Variants in COL4A6 observed in about 807,000 individuals in gnomAD.
The protein encoded by COL4A6 is collagen alpha-6(IV) chain.
Under a neutral mutation model 126.7 loss-of-function variants are expected in COL4A6, and 59 were observed. The observed-to-expected ratio is 0.47, with a 90% CI of 0.38 to 0.58. COL4A6 has a LOEUF of 0.58. Among genes scored for constraint, COL4A6 ranks in the 20% least tolerant of loss-of-function variants. COL4A6 has a pLI of 0.00. For synonymous variants in COL4A6, 547 were observed against 496.6 expected (o/e 1.10, Z -1.35); for missense variants, 1,285 against 1,337.3 (o/e 0.96, Z 0.61).
intron 2 of COL4A6, among the ~76,000 whole-genome samples, chrX:108,343,157 A>AGTGTGTG (rs1259891655): frequency 2.7e-5 from 2 of 73,857 alleles, no homozygotes; most frequent in African/African-American, 1.0e-4. Flanking sequence ...ATATATATAT[A>AGTGTGTG]TATATATAGT....
intron 35 of COL4A6, 45 bp from the exon 36 acceptor site, chrX:108,170,061 A>C: frequency 1.9e-6 from 2 of 1,060,539 alleles, no homozygotes; most frequent in Non-Finnish European, 2.6e-6. Context: ...ACTCTGAATC[A>C]TGAAGCATCA....
Position 108,378,074 on chromosome X carries a change from A to T in COL4A6, c.63+59868T>A, listed in dbSNP as rs191698381. Among the ~76,000 whole-genome samples the T allele has an allele frequency of 2.4e-3, 252 of 105,778 alleles. 1 individual carries two copies. Among genetic ancestry groups the T allele is most frequent in the African/African-American group, 7.3e-3 (217 of 29,576 alleles). The allele number at this position is 105,778 out of a possible 115,157, so 91.9% of individuals were successfully genotyped here. On this transcript the variant is annotated intron_variant, in intron 2 of 44. Coordinates refer to ENST00000334504, the MANE Select transcript of COL4A6 (RefSeq NM_033641.4). ...GGTAGGTAAGGATGTGAAGAAATTT[A>T]AAAAAAAAATGTTTTCATGTAGTGG...
chrX:108,159,337 G>A, intron 44 of COL4A6, 125 bp downstream of exon 44: 2 of 824,155 alleles, frequency 2.4e-6, no homozygotes, highest in Admixed American at 6.6e-5. Context: ...CTTTAGCCAA[G>A]CCCAGTCCAA....
intron 2 of COL4A6, among the ~76,000 whole-genome samples, chrX:108,362,495 C>T (rs767491566): frequency 9.0e-6 from 1 of 111,437 alleles, no homozygotes; most frequent in Non-Finnish European, 1.9e-5. Context: ...CATCAAGGTT[C>T]CTTGGGAACA....
intron 3 of COL4A6, among the ~76,000 whole-genome samples, chrX:108,274,588 C>G (rs1259674504): frequency 9.0e-6 from 1 of 111,691 alleles, no homozygotes; most frequent in African/African-American, 3.3e-5. Flanking sequence ...GCTCCAGAGG[C>G]CAGAGCATCA....
chrX:108,217,606 C>T (rs73636381), intron 5 of COL4A6, among the ~76,000 whole-genome samples: 4,468 of 111,165 alleles, frequency 0.04, 193 homozygotes, highest in African/African-American at 0.12. Flanking sequence ...TCCCATAGGG[C>T]TGTAGGCTGT....
intron 3 of COL4A6, among the ~76,000 whole-genome samples, chrX:108,225,275 ATT>A (rs951246159): frequency 4.8e-4 from 54 of 112,077 alleles, no homozygotes; most frequent in African/African-American, 1.5e-3. Context: ...ATGCTCACAC[ATT>A]ATTTCTTTTT....
intron 16 of COL4A6, among the ~76,000 whole-genome samples, chrX:108,194,012 CAG>C (rs2035136095): frequency 1.8e-5 from 2 of 112,719 alleles, no homozygotes; most frequent in Admixed American, 9.4e-5. Context: ...AAGGAGAGAA[CAG>C]AGTTTTAACT....
intron 2 of COL4A6, among the ~76,000 whole-genome samples, chrX:108,341,954 A>G (rs1412333): frequency 0.26 from 28,818 of 111,532 alleles, 3,028 homozygotes; most frequent in East Asian, 0.58. Context: ...CAGTAACCCA[A>G]ACAATGTTAT....
intron 3 of COL4A6, among the ~76,000 whole-genome samples, chrX:108,265,873 T>C (rs1348309282): frequency 9.1e-6 from 1 of 110,368 alleles, no homozygotes; most frequent in Non-Finnish European, 1.9e-5. Flanking sequence ...GGGAAACCAC[T>C]GAAGGGATAT....
chrX:108,389,555 GT>G (rs755288307), intron 2 of COL4A6, among the ~76,000 whole-genome samples: 2 of 105,082 alleles, frequency 1.9e-5, no homozygotes, highest in Non-Finnish European at 4.0e-5. Flanking sequence ...TTTTGTTTTT[GT>G]TTTTTTTTGC....
chrX:108,178,739 A>G lies in COL4A6; in HGVS notation c.2460T>C (p.Tyr820=). 1 of 1,211,720 alleles carries G rather than the reference A, an allele frequency of 8.3e-7. No homozygotes were observed. The highest frequency in any genetic ancestry group is 1.1e-6 in the Non-Finnish European group (1 of 895,435). ...GGAGCCCAGATTTGCCCTTGATGCCATATGGACCACTAGATCCTGGGGTGC... is the reference window on the plus strand; with the variant it reads ...GGAGCCCAGATTTGCCCTTGATGCCGTATGGACCACTAGATCCTGGGGTGC... ...QPGTPGSSGP[Y]GIKGKSGLPG... Residue 820 remains tyrosine, a synonymous_variant, in exon 27 of 45, where the codon TAT becomes TAC. Transcript: ENST00000334504.
At chrX:108,347,567 C>A (rs1176899439) in intron 2 of COL4A6, among the ~76,000 whole-genome samples, 1 of 111,301 alleles carries the variant, frequency 9.0e-6, no homozygotes, top group Non-Finnish European at 1.9e-5. Context: ...AGCAAAGATT[C>A]CAGAGAGGTC....
Position 108,169,393 on chromosome X carries a change from C to T in COL4A6, c.3691+102G>A. 6 of 1,071,208 alleles carry T rather than the reference C, an allele frequency of 5.6e-6. No homozygotes were observed. The South Asian group carries it at 1.3e-4, about 24-fold the overall frequency. The allele number at this position is 1,071,208 out of a possible 1,213,427, so 88.3% of individuals were successfully genotyped here. A position where few individuals can be genotyped will look rare whatever the true frequency, so the allele number is the denominator to read the frequency against. ...TGAGACTCCCAGAGATGTGAAGACA[C>T]TCACAGCCCAACCCTGTGAGCCACA... On this transcript the variant is annotated intron_variant, in intron 37 of 44. Transcript: ENST00000334504.
At chrX:108,195,855 G>A (rs2035198889) in intron 14 of COL4A6, among the ~76,000 whole-genome samples, 1 of 111,412 alleles carries the variant, frequency 9.0e-6, no homozygotes, top group Non-Finnish European at 1.9e-5. Flanking sequence ...TAATGGATAA[G>A]TATGGCTGAA....
At chrX:108,266,395 A>T (rs2037303849) in intron 3 of COL4A6, among the ~76,000 whole-genome samples, 1 of 111,627 alleles carries the variant, frequency 9.0e-6, no homozygotes, top group South Asian at 3.8e-4. Context: ...TTTACAAAAG[A>T]TCAAAAAACC....
intron 2 of COL4A6, among the ~76,000 whole-genome samples, chrX:108,408,394 G>A (rs924110798): frequency 5.4e-5 from 6 of 111,329 alleles, no homozygotes; most frequent in African/African-American, 1.6e-4. Flanking sequence ...AGCAAGCTAA[G>A]TAGCTTTTAC....
rs1268488258 is a variant in COL4A6 at position 108,212,553 on chromosome X, C to T, written c.442-813G>A. On this transcript the variant is annotated intron_variant, in intron 6 of 44. Coordinates refer to ENST00000334504, the MANE Select transcript of COL4A6 (RefSeq NM_033641.4). ...GATTAGTATGTGGGGTAGGGCTAAG[C>T]TTTGTGGACTGAAGCATTTATTGAA... Among the ~76,000 whole-genome samples, 4 of 111,798 alleles carry T rather than the reference C, an allele frequency of 3.6e-5. No individual in the cohort carries two copies. The East Asian group carries it at 1.1e-3, about 31-fold the overall frequency.
At chrX:108,372,885 T>G (rs866059904) in intron 2 of COL4A6, among the ~76,000 whole-genome samples, 28 of 112,295 alleles carry the variant, frequency 2.5e-4, no homozygotes, top group African/African-American at 9.1e-4. Flanking sequence ...TAGAAAATTC[T>G]TGTTCAGAGA....
Sources: gnomAD v4.1 joint callset for allele counts (sites outside exome capture counted in the v4.1 genomes callset) on GRCh38, gnomAD v4.1.1 for gene constraint, MANE v1.5 for transcripts, NCBI Gene and HGNC (gene_info 2026-07-23, HGNC 2026-07-21) for gene names.